MAOB: variants seen among roughly 807,000 people sequenced by gnomAD.
MAOB encodes amine oxidase [flavin-containing] B.
A neutral mutation model predicts 41.9 loss-of-function variants in MAOB; 15 were observed. The ratio of observed to expected loss-of-function variants is 0.36; its 90% CI spans 0.24 to 0.55. The LOEUF (loss-of-function observed/expected upper bound fraction) is 0.55. MAOB is among the 20% of genes least tolerant of loss of function. The pLI is 0.86. For missense variants in MAOB, 345 were observed against 398.7 expected, an observed-to-expected ratio of 0.87 and a Z score of 1.15; for synonymous variants, 167 against 144.2, an observed-to-expected ratio of 1.16 and a Z score of -1.13.
chrX:43,815,397 T>C (rs2034797742), intron 3 of MAOB, among the ~76,000 whole-genome samples: 1 of 112,190 alleles, frequency 8.9e-6, no homozygotes, highest in African/African-American at 3.2e-5. Context: ...CAGAGTGTTC[T>C]GGCCTTGAAT....
Position 43,781,434 on chromosome X carries a change from T to A in MAOB, c.1025+14A>T. On this transcript the variant is annotated intron_variant, in intron 9 of 14. Transcript: ENST00000378069. ...ACACTGAATAGCAGCCACAACACCA[T>A]AATTGTGCCTTACCCCATTATGGCA... The A allele has an allele frequency of 9.1e-7, 1 of 1,097,604 alleles. No individual in the cohort carries two copies. The highest frequency in any genetic ancestry group is 3.2e-5 in the East Asian group (1 of 31,604). 90.5% of individuals were successfully genotyped at this position (1,097,604 alleles called of 1,213,427 possible). A position where few individuals can be genotyped will look rare whatever the true frequency, so the allele number is the denominator to read the frequency against.
intron 12 of MAOB, among the ~76,000 whole-genome samples, chrX:43,774,034 A>G (rs923114817): frequency 3.6e-5 from 4 of 112,030 alleles, no homozygotes; most frequent in Admixed American, 9.5e-5. Context: ...AAGCAGGTAA[A>G]GAAAGTGCTA....
At chrX:43,858,107 C>A (rs1265423899) in intron 1 of MAOB, among the ~76,000 whole-genome samples, 1 of 111,617 alleles carries the variant, frequency 9.0e-6, no homozygotes. Context: ...AAGATGGAGG[C>A]TCTTCCTATT....
At chrX:43,858,361 G>A (rs1047340702) in intron 1 of MAOB, among the ~76,000 whole-genome samples, 2 of 110,575 alleles carry the variant, frequency 1.8e-5, no homozygotes, top group Admixed American at 9.7e-5. Context: ...ATAATACCCT[G>A]CAATACCTAG....
At chrX:43,836,470 C>CT (rs915321658) in intron 3 of MAOB, among the ~76,000 whole-genome samples, 17 of 111,362 alleles carry the variant, frequency 1.5e-4, no homozygotes, top group South Asian at 3.7e-4. Flanking sequence ...CTGCAGAAAC[C>CT]TTTTTTTTAC....
At chrX:43,812,584 A>G (rs148442486) in intron 3 of MAOB, among the ~76,000 whole-genome samples, 2,360 of 112,581 alleles carry the variant, frequency 0.021, 60 homozygotes, top group South Asian at 0.18. Context: ...ATTTGCAATG[A>G]GGTTGAGCAG....
intron 12 of MAOB, among the ~76,000 whole-genome samples, chrX:43,771,224 C>T (rs762143147): frequency 2.7e-5 from 3 of 112,151 alleles, no homozygotes; most frequent in Non-Finnish European, 5.6e-5. Context: ...AACCATACTT[C>T]AAGTACCCAT....
At chrX:43,804,183 A>T (rs930676814) in intron 3 of MAOB, among the ~76,000 whole-genome samples, 10 of 111,722 alleles carry the variant, frequency 9.0e-5, no homozygotes, top group African/African-American at 3.3e-4. Context: ...AGCATCTTTC[A>T]ACGGAATCAG....
intron 1 of MAOB, among the ~76,000 whole-genome samples, chrX:43,864,076 A>ATTG (rs2035350268): frequency 9.0e-6 from 1 of 111,656 alleles, no homozygotes; most frequent in Non-Finnish European, 1.9e-5. Flanking sequence ...TTGTTCATCA[A>ATTG]TTAAGGGACT....
chrX:43,818,935 C>G (rs1363681105), intron 3 of MAOB, among the ~76,000 whole-genome samples: 1 of 111,701 alleles, frequency 9.0e-6, no homozygotes, highest in Non-Finnish European at 1.9e-5. Flanking sequence ...GGCTATGTGG[C>G]TGTGTATGGA....
At chrX:43,783,777 A>G (rs1272881536) in intron 8 of MAOB, among the ~76,000 whole-genome samples, 1 of 111,716 alleles carries the variant, frequency 9.0e-6, no homozygotes, top group African/African-American at 3.3e-5. Flanking sequence ...TGCCACATCA[A>G]TTGACTCCTT....
chrX:43,847,899 T>G (rs2035219583), intron 1 of MAOB, among the ~76,000 whole-genome samples: 2 of 112,434 alleles, frequency 1.8e-5, no homozygotes, highest in Non-Finnish European at 3.8e-5. Flanking sequence ...CTTGGATGAA[T>G]AATCATAGCA....
chrX:43,843,436 C>T (rs966465615), intron 2 of MAOB, among the ~76,000 whole-genome samples: 176 of 104,259 alleles, frequency 1.7e-3, no homozygotes, highest in African/African-American at 5.4e-3. Context: ...TGTCCATTTC[C>T]CTCTTACTCA....
intron 1 of MAOB, among the ~76,000 whole-genome samples, chrX:43,868,217 T>C (rs774071137): frequency 6.2e-5 from 7 of 112,617 alleles, no homozygotes; most frequent in African/African-American, 2.3e-4. Context: ...TGCTTTCCTA[T>C]TTTCATCAGC....
intron 1 of MAOB, among the ~76,000 whole-genome samples, chrX:43,848,370 A>G (rs1349195776): frequency 8.9e-6 from 1 of 111,941 alleles, no homozygotes; most frequent in East Asian, 2.8e-4. Flanking sequence ...AATACTACAT[A>G]AGGACTCTTT....
Position 43,824,827 on chromosome X carries a change from C to T in MAOB, c.279+14041G>A, listed in dbSNP as rs7062993. On this transcript the variant is annotated intron_variant, in intron 3 of 14. Coordinates refer to ENST00000378069, the MANE Select transcript of MAOB (RefSeq NM_000898.5). ...ATGTGCACGTGCACACACACATGCA[C>T]ACGCATGCACACATGTGCACACACA... Among the ~76,000 whole-genome samples, 8 of 113,418 alleles carry T rather than the reference C, an allele frequency of 7.1e-5. No individual in the cohort carries two copies. In the East Asian group the frequency reaches 2.2e-3, roughly 32 times the overall value.
At position 43,795,797 on chromosome X, in the gene MAOB, T is replaced by C; in HGVS notation, c.710A>G (p.Tyr237Cys). ...GACATTTTCTCTTGTCTGGTCAATG[T>C]AGATCACAGGCCTCTCCAGCTTCAC... ...DRVKLERPVI[Y>C]IDQTRENVLV... Residue 237 changes from tyrosine (Y) to cysteine (C), a missense_variant, in exon 7 of 15, where the codon TAC becomes TGC. Transcript: ENST00000378069. 1 of 1,211,059 alleles carries C rather than the reference T, an allele frequency of 8.3e-7. No individual in the cohort carries two copies. Among genetic ancestry groups the C allele is most frequent in the Non-Finnish European group, 1.1e-6 (1 of 894,772 alleles).
At chrX:43,824,544 A>T (rs2034921341) in intron 3 of MAOB, among the ~76,000 whole-genome samples, 1 of 111,666 alleles carries the variant, frequency 9.0e-6, no homozygotes, top group Admixed American at 9.4e-5. Context: ...TTAGCTTGGC[A>T]TGGTGGCAGA....
intron 3 of MAOB, among the ~76,000 whole-genome samples, chrX:43,813,668 C>T (rs2034775041): frequency 8.9e-6 from 1 of 111,829 alleles, no homozygotes. Context: ...CATGCAAGGC[C>T]TAGTCCAGTC....
Sources: gnomAD v4.1 joint callset for allele counts (sites outside exome capture counted in the v4.1 genomes callset) on GRCh38, gnomAD v4.1.1 for gene constraint, MANE v1.5 for transcripts, NCBI Gene and HGNC (gene_info 2026-07-23, HGNC 2026-07-21) for gene names.